DIAPH2: variants seen among roughly 807,000 people sequenced by gnomAD.
DIAPH2 encodes the protein diaphanous related formin 2, also known as protein diaphanous homolog 2.
Under a neutral mutation model 92.7 loss-of-function variants are expected in DIAPH2, and 35 were observed. The observed-to-expected ratio is 0.38, with a 90% CI of 0.29 to 0.50. DIAPH2 has a LOEUF of 0.50. Among genes scored for constraint, DIAPH2 ranks in the 20% least tolerant of loss-of-function variants. The probability of loss-of-function intolerance (pLI) is 0.94; values close to 1 mark genes in which losing one functional copy is unlikely to be tolerated. For synonymous variants in DIAPH2, 301 were observed against 280.4 expected, an observed-to-expected ratio of 1.07 and a Z score of -0.73; for missense variants, 701 against 819.5, an observed-to-expected ratio of 0.86 and a Z score of 1.77.
intron 4 of DIAPH2, among the ~76,000 whole-genome samples, chrX:96,817,595 G>T (rs774511767): frequency 1.8e-5 from 2 of 111,405 alleles, no homozygotes; most frequent in East Asian, 2.8e-4. Flanking sequence ...TTTAACAAAA[G>T]AAATTTATTT....
At chrX:96,693,331 A>G (rs1302401847) in intron 1 of DIAPH2, among the ~76,000 whole-genome samples, 1 of 112,257 alleles carries the variant, frequency 8.9e-6, no homozygotes, top group Non-Finnish European at 1.9e-5. Context: ...TTGGAGCCAG[A>G]GAGCTGGCAT....
chrX:97,559,729 T>C (rs1306265863), intron 26 of DIAPH2, among the ~76,000 whole-genome samples: 1 of 111,597 alleles, frequency 9.0e-6, no homozygotes, highest in Non-Finnish European at 1.9e-5. Context: ...ACCAAAAAAA[T>C]ACAGACAATA....
chrX:96,781,589 G>A (rs2147625911), intron 4 of DIAPH2, among the ~76,000 whole-genome samples: 1 of 110,885 alleles, frequency 9.0e-6, no homozygotes, highest in East Asian at 2.8e-4. Flanking sequence ...ATTAATTACT[G>A]TCTCTTAGGT....
At chrX:97,367,051 T>C (rs938206490) in intron 24 of DIAPH2, among the ~76,000 whole-genome samples, 1 of 111,611 alleles carries the variant, frequency 9.0e-6, no homozygotes, top group Non-Finnish European at 1.9e-5. Context: ...TCAATGTGTC[T>C]GTAAATGCCC....
chrX:97,318,482 C>CTTTTTTTTTTTTTTTTTTTT (rs745350367), intron 23 of DIAPH2, among the ~76,000 whole-genome samples: 1 of 46,326 alleles, frequency 2.2e-5, no homozygotes, highest in Admixed American at 2.5e-4. Context: ...TTTTTCTTTA[C>CTTTTTTTTTTTTTTTTTTTT]TTTTTTTTTT....
intron 17 of DIAPH2, among the ~76,000 whole-genome samples, chrX:96,984,188 T>C (rs1336298005): frequency 8.9e-6 from 1 of 112,041 alleles, no homozygotes; most frequent in Non-Finnish European, 1.9e-5. Context: ...TATGGTAATA[T>C]TATTTTTGTA....
Position 96,931,796 on chromosome X carries a change from T to G in DIAPH2, c.1089+953T>G, listed in dbSNP as rs779643104. 2.7e-5 allele frequency among the ~76,000 whole-genome samples: 3 copies of G among 111,183 alleles called. No individual in the cohort carries two copies. The South Asian group carries it at 1.1e-3, about 42-fold the overall frequency. ...AACTGAAACTAGTTGAAACCCATCA[T>G]AATAAGTTGTGTGATTGGACCTGTT... On this transcript the variant is annotated intron_variant, in intron 10 of 26. Transcript: ENST00000324765.
At chrX:96,796,144 T>C (rs904888147) in intron 4 of DIAPH2, among the ~76,000 whole-genome samples, 5 of 112,057 alleles carry the variant, frequency 4.5e-5, no homozygotes, top group African/African-American at 1.6e-4. Context: ...TCTAATTTCC[T>C]TTTTTTGTTT....
At chrX:96,911,865 C>G (rs2065470523) in intron 5 of DIAPH2, among the ~76,000 whole-genome samples, 1 of 111,564 alleles carries the variant, frequency 9.0e-6, no homozygotes, top group Admixed American at 9.6e-5. Flanking sequence ...ACTTTGTAGA[C>G]ACTCGACAAA....
At chrX:96,818,021 G>A (rs6620175) in intron 4 of DIAPH2, among the ~76,000 whole-genome samples, 2 of 52,956 alleles carry the variant, frequency 3.8e-5, no homozygotes, top group East Asian at 5.7e-4. Context: ...TCGCTCTGTC[G>A]CCCAGGCTGG....
chrX:96,961,077 A>G (rs149524850), intron 16 of DIAPH2, among the ~76,000 whole-genome samples: 42 of 111,218 alleles, frequency 3.8e-4, no homozygotes, highest in African/African-American at 1.2e-3. Flanking sequence ...TGGTTTTCGT[A>G]TTGGGGTAAT....
intron 26 of DIAPH2, among the ~76,000 whole-genome samples, chrX:97,519,369 G>C (rs2070974589): frequency 8.9e-6 from 1 of 111,867 alleles, no homozygotes; most frequent in African/African-American, 3.2e-5. Context: ...CACATTTATG[G>C]GTTATTTTCC....
intron 20 of DIAPH2, among the ~76,000 whole-genome samples, chrX:97,103,762 A>T (rs1350784221): frequency 1.8e-5 from 2 of 112,129 alleles, no homozygotes; most frequent in Non-Finnish European, 3.8e-5. Context: ...ATAGCACTAA[A>T]GCTACAGCAT....
chrX:97,241,300 CT>C lies in DIAPH2; in HGVS notation c.2720-6402del, dbSNP rs1214338958. On this transcript the variant is annotated intron_variant, in intron 22 of 26. Coordinates refer to ENST00000324765, the MANE Select transcript of DIAPH2 (RefSeq NM_006729.5). ...TTAAGAACTTAAGTAATGACTAATT[CT>C]TTTTTTTTTTTTCCCGAGACGGAGT... 2.8e-3 allele frequency among the ~76,000 whole-genome samples: 289 copies of C among 103,302 alleles called. 1 individual carries two copies. Among genetic ancestry groups the C allele is most frequent in the African/African-American group, 6.5e-3 (186 of 28,694 alleles). 89.7% of individuals were successfully genotyped at this position (103,302 alleles called of 115,157 possible).
At chrX:97,235,706 G>A (rs527420108) in intron 22 of DIAPH2, among the ~76,000 whole-genome samples, 36 of 109,353 alleles carry the variant, frequency 3.3e-4, no homozygotes, top group African/African-American at 1.2e-3. Context: ...AATTCCTTAC[G>A]GTGTCCTACA....
intron 17 of DIAPH2, among the ~76,000 whole-genome samples, chrX:97,024,111 A>G (rs1278664518): frequency 8.9e-6 from 1 of 112,262 alleles, no homozygotes; most frequent in Non-Finnish European, 1.9e-5. Flanking sequence ...CTTACATATC[A>G]ACTCATGCAA....
At chrX:96,825,377 T>A (rs752024032) in intron 4 of DIAPH2, among the ~76,000 whole-genome samples, 4 of 106,291 alleles carry the variant, frequency 3.8e-5, no homozygotes, top group Non-Finnish European at 5.8e-5. Flanking sequence ...TTTTTTTTAC[T>A]ATTTTGCTAA....
intron 26 of DIAPH2, among the ~76,000 whole-genome samples, chrX:97,522,182 A>G (rs889911559): frequency 5.3e-5 from 6 of 112,363 alleles, no homozygotes; most frequent in Admixed American, 2.8e-4. Context: ...ACTATACCAT[A>G]ATATAGATTT....
intron 4 of DIAPH2, among the ~76,000 whole-genome samples, chrX:96,868,101 C>G (rs1381534073): frequency 7.1e-5 from 8 of 112,219 alleles, no homozygotes; most frequent in Non-Finnish European, 1.1e-4. Context: ...GATAACCCAA[C>G]TGTGCCACTA....
Sources: allele counts gnomAD v4.1 joint callset (sites outside exome capture counted in the v4.1 genomes callset), GRCh38; gene constraint gnomAD v4.1.1; transcripts MANE v1.5; gene names NCBI Gene and HGNC (gene_info 2026-07-23, HGNC 2026-07-21).